TAFA5: variants seen among roughly 807,000 people sequenced by gnomAD.
The protein encoded by TAFA5 is TAFA chemokine like family member 5.
TAFA5 carries 6 observed loss-of-function variants against 15.3 expected under a neutral mutation model. That is an observed-to-expected ratio of 0.39 (90% CI 0.21 to 0.77). The LOEUF (loss-of-function observed/expected upper bound fraction) is 0.77. Among genes scored for constraint, TAFA5 ranks in the 30% least tolerant of loss-of-function variants. TAFA5 has a pLI of 0.41. For missense variants in TAFA5, 161 were observed against 193.1 expected, an observed-to-expected ratio of 0.83 and a Z score of 0.98; for synonymous variants, 103 against 80.7, an observed-to-expected ratio of 1.28 and a Z score of -1.48.
intron 1 of TAFA5, among the ~76,000 whole-genome samples, chr22:48,523,336 CG>C (rs1230605491): frequency 3.3e-5 from 5 of 152,218 alleles, no homozygotes; most frequent in African/African-American, 4.8e-5. Context: ...GGGGACCCTA[CG>C]GGGTAGGATG....
chr22:48,694,758 GCCCACCGCTCAGACCTCCTCCCCCACCC>G (rs1928650602), intron 2 of TAFA5, among the ~76,000 whole-genome samples: 1 of 151,160 alleles, frequency 6.6e-6, no homozygotes, highest in Non-Finnish European at 1.5e-5. Flanking sequence ...ACCAAGGGCT[GCCCACCGCTCAGACCTCCTCCCCCACCC>G]CCCACCGCTC....
chr22:48,532,481 C>T (rs771301018), intron 1 of TAFA5, among the ~76,000 whole-genome samples: 1 of 152,214 alleles, frequency 6.6e-6, no homozygotes, highest in East Asian at 1.9e-4. Context: ...AGGATAGTCT[C>T]TTTGTGTATT....
intron 1 of TAFA5, among the ~76,000 whole-genome samples, chr22:48,575,409 G>A (rs1923735495): frequency 6.8e-6 from 1 of 146,770 alleles, no homozygotes; most frequent in Non-Finnish European, 1.5e-5. Context: ...GGCGCGGGCC[G>A]GAGTCCGAGG....
At chr22:48,503,779 A>G (rs1011105090) in intron 1 of TAFA5, among the ~76,000 whole-genome samples, 2 of 152,232 alleles carry the variant, frequency 1.3e-5, no homozygotes, top group African/African-American at 2.4e-5. Flanking sequence ...AAAAGTCCCA[A>G]GTGCCATTGT....
intron 1 of TAFA5, among the ~76,000 whole-genome samples, chr22:48,540,558 G>C (rs1395533820): frequency 6.6e-6 from 1 of 150,762 alleles, no homozygotes; most frequent in Non-Finnish European, 1.5e-5. Context: ...CCACCTCGAG[G>C]TAAGAAACGC....
chr22:48,660,489 A>T (rs1304773165), intron 2 of TAFA5, among the ~76,000 whole-genome samples: 2 of 152,240 alleles, frequency 1.3e-5, no homozygotes, highest in African/African-American at 4.8e-5. Flanking sequence ...ATGAACTTAA[A>T]AACTCTTTAC....
At chr22:48,525,052 G>A (rs905024020) in intron 1 of TAFA5, among the ~76,000 whole-genome samples, 2 of 152,070 alleles carry the variant, frequency 1.3e-5, no homozygotes, top group African/African-American at 4.8e-5. Context: ...TCTCTCCCTG[G>A]CTCTGACCTT....
At chr22:48,499,919 A>G (rs1021745579) in intron 1 of TAFA5, among the ~76,000 whole-genome samples, 1 of 152,024 alleles carries the variant, frequency 6.6e-6, no homozygotes, top group Non-Finnish European at 1.5e-5. Context: ...ACACACACAC[A>G]CCCGTGAGTC....
At chr22:48,698,965 C>A (rs1928817104) in intron 2 of TAFA5, among the ~76,000 whole-genome samples, 1 of 146,010 alleles carries the variant, frequency 6.8e-6, no homozygotes, top group Non-Finnish European at 1.5e-5. Flanking sequence ...TTGGCGCGAC[C>A]AAGGCTCACT....
intron 2 of TAFA5, among the ~76,000 whole-genome samples, chr22:48,647,796 T>C (rs17764077): frequency 0.83 from 125,782 of 152,058 alleles, 52,234 homozygotes; most frequent in East Asian, 1. Context: ...GCCTTGGTTC[T>C]AGGCGCAGCA....
Position 48,685,463 on chromosome 22 carries a change from G to A in TAFA5, c.263-22254G>A, listed in dbSNP as rs1381660551. Among the ~76,000 whole-genome samples, 4 of 152,176 alleles carry A rather than the reference G, an allele frequency of 2.6e-5. No homozygotes were observed. In the East Asian group the frequency reaches 7.7e-4, roughly 29 times the overall value. On this transcript the variant is annotated intron_variant, in intron 2 of 3. Coordinates refer to ENST00000402357, the MANE Select transcript of TAFA5 (RefSeq NM_001082967.3). ...AATGTTCTTTGGGGTAAAATATTTT[G>A]ATTTCCTTTAGAGCCTGCTATGTGT...
intron 2 of TAFA5, among the ~76,000 whole-genome samples, chr22:48,688,083 T>G (rs1413395160): frequency 1.7e-5 from 2 of 119,512 alleles, no homozygotes; most frequent in African/African-American, 2.9e-5. Flanking sequence ...TTTTTTATTG[T>G]TTTTTTGTGT....
chr22:48,731,326 C>A (rs1293975251), intron 3 of TAFA5, among the ~76,000 whole-genome samples: 2 of 152,210 alleles, frequency 1.3e-5, no homozygotes, highest in African/African-American at 4.8e-5. Context: ...GTTGGAGAAG[C>A]TGCAGTAAGT....
At position 48,750,119 on chromosome 22, in the gene TAFA5, C is replaced by A. The variant is rs1930441929; in HGVS notation, c.*272C>A. The A allele has an allele frequency of 4.0e-6, 2 of 504,234 alleles. No individual in the cohort carries two copies. The highest frequency in any genetic ancestry group is 6.9e-5 in the East Asian group (2 of 28,934). The allele number at this position is 504,234 out of a possible 1,614,324, so 31.2% of individuals were successfully genotyped here. On this transcript the variant is annotated 3_prime_UTR_variant, in exon 4 of 4. Coordinates refer to ENST00000402357, the MANE Select transcript of TAFA5 (RefSeq NM_001082967.3). Reference sequence around the variant, plus strand: ...TCTGTGGGAGCCCGGCCGCGCCCAGCCCCCGCCGACCGTGGCGTTGGCCCT... The same window carrying A: ...TCTGTGGGAGCCCGGCCGCGCCCAGACCCCGCCGACCGTGGCGTTGGCCCT...
intron 2 of TAFA5, among the ~76,000 whole-genome samples, chr22:48,662,015 G>C (rs1403343661): frequency 2.0e-5 from 3 of 151,534 alleles, no homozygotes; most frequent in Non-Finnish European, 2.9e-5. Flanking sequence ...TGCCTACTTT[G>C]GGGAGATGGT....
At chr22:48,723,765 T>C (rs1230671244) in intron 3 of TAFA5, among the ~76,000 whole-genome samples, 1 of 152,226 alleles carries the variant, frequency 6.6e-6, no homozygotes, top group African/African-American at 2.4e-5. Flanking sequence ...CATGGGATGA[T>C]AAGAAAGGAA....
chr22:48,566,396 G>A lies in TAFA5; in HGVS notation c.112+76692G>A, dbSNP rs1217037353. ...GATGGATGGGTGGATGGTGAATGAT[G>A]GGTAGATGGTAGGTGGATGGATGAT... On this transcript the variant is annotated intron_variant, in intron 1 of 3. Coordinates refer to ENST00000402357, the MANE Select transcript of TAFA5 (RefSeq NM_001082967.3). This position sits in a 1 kb window ranked among gnomAD's most constrained non-coding sequence, Gnocchi z 4.5. Among the ~76,000 whole-genome samples the A allele has an allele frequency of 2.6e-5, 4 of 151,956 alleles. No individual in the cohort carries two copies. Among genetic ancestry groups the A allele is most frequent in the African/African-American group, 9.7e-5 (4 of 41,364 alleles).
rs530301622 is a variant in TAFA5 at position 48,713,466 on chromosome 22, G to A, written c.390+5622G>A. Among the ~76,000 whole-genome samples the A allele has an allele frequency of 3.9e-5, 6 of 152,322 alleles. 1 individual carries two copies. The highest frequency in any genetic ancestry group is 3.3e-4 in the Admixed American group (5 of 15,298). On this transcript the variant is annotated intron_variant, in intron 3 of 3. Transcript: ENST00000402357. ...CTGCCAAAATGCTGTCTCTTCTCTC[G>A]TCTTGCCATAAACTGCTGCTGACTT...
At chr22:48,659,716 T>C (rs1467836308) in intron 2 of TAFA5, among the ~76,000 whole-genome samples, 2 of 151,638 alleles carry the variant, frequency 1.3e-5, no homozygotes, top group Non-Finnish European at 2.9e-5. Flanking sequence ...GGGCCGGTGC[T>C]GGGAAGGCCT....
Sources: gnomAD v4.1 joint callset for allele counts (sites outside exome capture counted in the v4.1 genomes callset) on GRCh38, gnomAD v4.1.1 for gene constraint, Gnocchi (gnomAD v3.1) non-coding constraint, MANE v1.5 for transcripts, NCBI Gene and HGNC (gene_info 2026-07-23, HGNC 2026-07-21) for gene names.